ERCC6L2: variants seen among roughly 807,000 people sequenced by gnomAD.
ERCC6L2 encodes the protein DNA excision repair protein ERCC-6-like 2.
Under a neutral mutation model 132.0 loss-of-function variants are expected in ERCC6L2, and 77 were observed. The observed-to-expected ratio is 0.58, with a 90% confidence interval of 0.49 to 0.71. ERCC6L2 has a LOEUF of 0.71. Ranked by LOEUF, ERCC6L2 falls within the 30% of genes least tolerant of loss-of-function variation. The pLI, the probability that ERCC6L2 is intolerant of heterozygous loss-of-function variation, is 0.00. For missense variants in ERCC6L2, 1,542 were observed against 1,837.6 expected (o/e 0.84, Z 2.94); for synonymous variants, 583 against 632.4 (o/e 0.92, Z 1.17).
chr9:95,895,558 A>G (rs1054395571), intron 2 of ERCC6L2, among the ~76,000 whole-genome samples: 1 of 151,856 alleles, frequency 6.6e-6, no homozygotes, highest in African/African-American at 2.4e-5. Flanking sequence ...TTAGGTACAC[A>G]TTCTTTTATT....
intron 17 of ERCC6L2, among the ~76,000 whole-genome samples, chr9:96,002,295 G>C (rs376101153): frequency 6.6e-6 from 1 of 152,212 alleles, no homozygotes. Context: ...TAGTTTAACT[G>C]GGTATAGAAT....
intron 12 of ERCC6L2, among the ~76,000 whole-genome samples, chr9:95,951,502 A>G (rs547110994): frequency 2.0e-5 from 3 of 152,296 alleles, no homozygotes; most frequent in Non-Finnish European, 2.9e-5. Flanking sequence ...GAGGCAATCA[A>G]TGAAACCAAG....
At chr9:95,938,231 T>C (rs1361920540) in intron 11 of ERCC6L2, among the ~76,000 whole-genome samples, 1 of 152,088 alleles carries the variant, frequency 6.6e-6, no homozygotes, top group Non-Finnish European at 1.5e-5. Context: ...CAGTATAGTT[T>C]CAGTTCTTTT....
Position 95,928,810 on chromosome 9 carries a change from T to C in ERCC6L2, c.1697T>C (p.Ile566Thr). 1.2e-6 allele frequency: 2 copies of C among 1,612,890 alleles called. No individual in the cohort carries two copies. Among genetic ancestry groups the C allele is most frequent in the South Asian group, 1.1e-5 (1 of 90,952 alleles). The change falls in exon 11 of 19, where the codon ATT becomes ACT. Residue 566 changes from isoleucine to threonine, a missense_variant. Around this residue, in one of 4 missense-constraint regions of ERCC6L2, gnomAD observed 945 missense variants for 1,105.2 expected, o/e 0.86. Coordinates refer to ENST00000653738, the MANE Select transcript of ERCC6L2 (RefSeq NM_020207.7). ...GSTKSEERLK[I>T]VKEFNSTQDV... ...ACAAAATCAGAGGAAAGACTCAAGA[T>C]TGTAAAAGAGTTCAACAGTACACAA...
intron 2 of ERCC6L2, among the ~76,000 whole-genome samples, chr9:95,888,554 T>A (rs995321216): frequency 2.0e-5 from 3 of 152,226 alleles, no homozygotes; most frequent in Admixed American, 2.0e-4. Flanking sequence ...TCATTGTAAA[T>A]GTGTCTTTAG....
chr9:95,941,363 T>G (rs143702706), intron 11 of ERCC6L2, 91 bp from the exon 12 acceptor site: 7 of 831,326 alleles, frequency 8.4e-6, no homozygotes, highest in Non-Finnish European at 1.4e-5. Flanking sequence ...ATCGTACTGT[T>G]TTGGCTATAG....
rs535443008 is a variant in ERCC6L2, at chr9:95,903,480, A to T, written c.595-3598A>T. Among the ~76,000 whole-genome samples, 7 of 152,130 alleles carry T rather than the reference A, an allele frequency of 4.6e-5. No homozygotes were observed. The South Asian group carries it at 1.0e-3, about 23-fold the overall frequency. ...TGATGTTGTGTTGAATTTATAGTTA[A>T]CTTTGCTTGTCATTTCCATTCTTAT... On this transcript the variant is annotated intron_variant, in intron 3 of 18. Coordinates refer to ENST00000653738, the MANE Select transcript of ERCC6L2 (RefSeq NM_020207.7).
chr9:95,954,296 G>T (rs1369648808), intron 12 of ERCC6L2, among the ~76,000 whole-genome samples: 1 of 152,012 alleles, frequency 6.6e-6, no homozygotes, highest in African/African-American at 2.4e-5. Context: ...GTTGTATTTT[G>T]TACTTTTTCA....
intron 3 of ERCC6L2, among the ~76,000 whole-genome samples, chr9:95,899,619 TGTGTGTGTGTGTGC>T (rs1358904727): frequency 6.8e-6 from 1 of 146,752 alleles, no homozygotes; most frequent in African/African-American, 2.6e-5. Context: ...TGTGTGTGTG[TGTGTGTGTGTGTGC>T]GTATGTATGC....
intron 11 of ERCC6L2, among the ~76,000 whole-genome samples, chr9:95,940,299 C>T (rs1226736378): frequency 6.6e-6 from 1 of 152,072 alleles, no homozygotes; most frequent in Non-Finnish European, 1.5e-5. Context: ...AAGGCTACAC[C>T]TTTCCTGGTT....
Position 95,921,201 on chromosome 9 carries a change from C to T in ERCC6L2, c.1185C>T (p.Phe395=). Residue 395 remains phenylalanine (F), a synonymous_variant, in exon 7 of 19, where the codon TTC becomes TTT. Transcript: ENST00000653738. ...DRMVYCSLTD[F]QKAVYQTVLE... ...TGGTGTATTGTTCTTTGACAGATTT[C>T]CAGAAAGCTGTCTATCAAACAGTGT... 1 of 1,612,530 alleles carries T rather than the reference C, an allele frequency of 6.2e-7. No homozygotes were observed. Among genetic ancestry groups the T allele is most frequent in the Non-Finnish European group, 8.5e-7 (1 of 1,179,172 alleles).
intron 2 of ERCC6L2, among the ~76,000 whole-genome samples, chr9:95,882,170 A>G (rs1300741606): frequency 6.6e-6 from 1 of 152,192 alleles, no homozygotes; most frequent in Non-Finnish European, 1.5e-5. Context: ...AAGGAGAGCA[A>G]GTAGGAGGGC....
intron 2 of ERCC6L2, 44 bp downstream of exon 2, chr9:95,881,337 A>G (rs1163849171): frequency 5.8e-6 from 8 of 1,387,132 alleles, no homozygotes; most frequent in Admixed American, 2.3e-5. Flanking sequence ...TACTGTGTAC[A>G]TGAGTGGATA....
rs1652037939 is a variant in ERCC6L2 at position 95,973,008 on chromosome 9, T to G, written c.3257T>G (p.Ile1086Ser). ...PSHNKKNSTFIPRKPMKCSNE... is the reference protein window; with the variant it reads ...PSHNKKNSTFSPRKPMKCSNE... ...CATAATAAGAAAAATAGCACTTTTA[T>G]TCCAAGAAAACCAATGAAATGTTCA... Residue 1086 changes from isoleucine to serine, a missense_variant, in exon 16 of 19, where the codon ATT becomes AGT. By Grantham distance (142) the Ile-to-Ser change is moderately radical. Coordinates refer to ENST00000653738, the MANE Select transcript of ERCC6L2 (RefSeq NM_020207.7). The G allele has an allele frequency of 7.4e-7, 1 of 1,360,282 alleles. No individual in the cohort carries two copies. Among genetic ancestry groups the G allele is most frequent in the Non-Finnish European group, 9.8e-7 (1 of 1,018,510 alleles). The allele number at this position is 1,360,282 out of a possible 1,614,324, so 84.3% of individuals were successfully genotyped here. A position where few individuals can be genotyped will look rare whatever the true frequency, so the allele number is the denominator to read the frequency against.
At chr9:95,919,456 A>T (rs1178081397) in intron 6 of ERCC6L2, among the ~76,000 whole-genome samples, 1 of 152,086 alleles carries the variant, frequency 6.6e-6, no homozygotes, top group Non-Finnish European at 1.5e-5. Context: ...GCCACCCAGA[A>T]CCCCATGAGT....
chr9:95,939,914 T>C (rs1830720349), intron 11 of ERCC6L2, among the ~76,000 whole-genome samples: 1 of 152,114 alleles, frequency 6.6e-6, no homozygotes, highest in South Asian at 2.1e-4. Flanking sequence ...GTGATTTAAA[T>C]CTTCCATTTT....
intron 12 of ERCC6L2, chr9:95,954,989 C>T (rs1831527950): frequency 7.2e-6 from 3 of 418,210 alleles, no homozygotes; most frequent in African/African-American, 2.1e-5. Flanking sequence ...AGATAAATTT[C>T]CCCCAAATTG....
At chr9:96,010,854 C>T (rs1268093876) in intron 18 of ERCC6L2, among the ~76,000 whole-genome samples, 1 of 152,140 alleles carries the variant, frequency 6.6e-6, no homozygotes, top group East Asian at 1.9e-4. Context: ...TATATAGTTC[C>T]TGCTATAGTG....
downstream of ERCC6L2, chr9:96,021,389 G>C (rs1453077021): frequency 6.9e-6 from 2 of 290,226 alleles, no homozygotes; most frequent in Non-Finnish European, 1.3e-5. The surrounding 1 kb of genome is among the most constrained non-coding windows in gnomAD (Gnocchi z 4.7). Flanking sequence ...AGTCCCTCCC[G>C]GGCAGGGAGC....
Sources: gnomAD v4.1 joint callset for allele counts (sites outside exome capture counted in the v4.1 genomes callset) on GRCh38, gnomAD v4.1.1 for gene constraint, gnomAD v4.1.1 regional missense constraint, Gnocchi (gnomAD v3.1) non-coding constraint, MANE v1.5 for transcripts, NCBI Gene and HGNC (gene_info 2026-07-23, HGNC 2026-07-21) for gene names.